The following CDKAL1 variants were observed in gnomAD, a reference collection of about 807,000 sequenced individuals.
CDKAL1 encodes threonylcarbamoyladenosine tRNA methylthiotransferase.
In CDKAL1, 32 loss-of-function variants were observed where a neutral mutation model predicts 68.2. The ratio of observed to expected loss-of-function variants is 0.47; its 90% CI spans 0.35 to 0.63. The LOEUF (loss-of-function observed/expected upper bound fraction) is 0.63, where lower values mean the gene tolerates loss of function less well. CDKAL1 is among the 30% of genes least tolerant of loss of function. CDKAL1 has a pLI of 0.00. For missense variants in CDKAL1, 606 were observed against 696.7 expected, an observed-to-expected ratio of 0.87 and a Z score of 1.47; for synonymous variants, 234 against 244.3, an observed-to-expected ratio of 0.96 and a Z score of 0.39.
chr6:20,931,154 A>G (rs186665695), intron 9 of CDKAL1, among the ~76,000 whole-genome samples: 60 of 152,348 alleles, frequency 3.9e-4, no homozygotes, highest in African/African-American at 1.1e-3. Context: ...CAGACTGACT[A>G]AAGCTTAGCC....
chr6:21,080,559 A>G (rs1772331626), intron 12 of CDKAL1, among the ~76,000 whole-genome samples: 1 of 152,196 alleles, frequency 6.6e-6, no homozygotes, highest in South Asian at 2.1e-4. Context: ...TCTCAGTCAG[A>G]ATCATCCTTT....
At chr6:20,586,988 T>TTC (rs1350061442) in intron 4 of CDKAL1, among the ~76,000 whole-genome samples, 1 of 138,652 alleles carries the variant, frequency 7.2e-6, no homozygotes, top group African/African-American at 2.7e-5. Context: ...GTTTTTTTTT[T>TTC]TTTTTTTTTT....
intron 10 of CDKAL1, among the ~76,000 whole-genome samples, chr6:20,975,374 C>CT (rs1268110057): frequency 7.9e-5 from 12 of 151,866 alleles, no homozygotes; most frequent in Non-Finnish European, 1.6e-4. Flanking sequence ...TTAGTAGTCC[C>CT]TTTTTTTTGA....
At chr6:20,971,489 C>T (rs1363957590) in intron 10 of CDKAL1, among the ~76,000 whole-genome samples, 1 of 152,144 alleles carries the variant, frequency 6.6e-6, no homozygotes, top group Non-Finnish European at 1.5e-5. Context: ...TGCAACAGAT[C>T]ACTAGAAAAA....
chr6:20,694,961 C>T (rs1038979306), intron 5 of CDKAL1, among the ~76,000 whole-genome samples: 1 of 152,164 alleles, frequency 6.6e-6, no homozygotes, highest in African/African-American at 2.4e-5. Context: ...TCCCCTTCCC[C>T]TTCCACCATG....
intron 5 of CDKAL1, among the ~76,000 whole-genome samples, chr6:20,663,009 G>C (rs771274611): frequency 5.9e-5 from 9 of 152,090 alleles, no homozygotes; most frequent in Non-Finnish European, 1.0e-4. Flanking sequence ...TTGTTTTAAA[G>C]GTCTTTCCCT....
At chr6:20,728,949 G>A (rs930403399) in intron 5 of CDKAL1, among the ~76,000 whole-genome samples, 1 of 152,040 alleles carries the variant, frequency 6.6e-6, no homozygotes, top group Non-Finnish European at 1.5e-5. Flanking sequence ...GGATGAATAG[G>A]TGAAAGGTAT....
chr6:20,619,397 CTA>C (rs896220167), intron 4 of CDKAL1, among the ~76,000 whole-genome samples: 6 of 152,224 alleles, frequency 3.9e-5, no homozygotes, highest in African/African-American at 1.2e-4. Context: ...ACAAAAATAA[CTA>C]TGTGAGGTAA....
At chr6:20,674,420 T>C (rs1366747398) in intron 5 of CDKAL1, among the ~76,000 whole-genome samples, 1 of 152,130 alleles carries the variant, frequency 6.6e-6, no homozygotes, top group Admixed American at 6.5e-5. Flanking sequence ...ATCCATACAT[T>C]TCTATTTTTT....
At chr6:21,156,288 G>C (rs1289509100) in intron 13 of CDKAL1, among the ~76,000 whole-genome samples, 1 of 151,802 alleles carries the variant, frequency 6.6e-6, no homozygotes. Context: ...GCTGGGCATG[G>C]TAGCTTGTGC....
intron 10 of CDKAL1, among the ~76,000 whole-genome samples, chr6:20,979,571 G>T (rs1056690413): frequency 1.3e-5 from 2 of 151,976 alleles, no homozygotes; most frequent in African/African-American, 2.4e-5. Flanking sequence ...TTTCCCGGGG[G>T]TTCGAGGGTG....
At chr6:20,748,857 T>C (rs1773788653) in intron 6 of CDKAL1, among the ~76,000 whole-genome samples, 1 of 152,082 alleles carries the variant, frequency 6.6e-6, no homozygotes, top group Admixed American at 6.5e-5. Flanking sequence ...TTGGTTGTGG[T>C]ATTTTTTAAT....
intron 5 of CDKAL1, among the ~76,000 whole-genome samples, chr6:20,682,951 CTTTTTT>C (rs11364854): frequency 7.9e-6 from 1 of 126,538 alleles, no homozygotes; most frequent in Non-Finnish European, 1.7e-5. Flanking sequence ...CTTTTTCTTT[CTTTTTT>C]TTTTTTTTTT....
intron 9 of CDKAL1, among the ~76,000 whole-genome samples, chr6:20,857,491 T>C (rs1461251669): frequency 6.6e-6 from 1 of 152,236 alleles, no homozygotes; most frequent in Admixed American, 6.5e-5. Context: ...CCTCCATCTT[T>C]GAGAATAACC....
chr6:21,208,822 A>T (rs1206163826), intron 15 of CDKAL1, among the ~76,000 whole-genome samples: 1 of 152,108 alleles, frequency 6.6e-6, no homozygotes, highest in Admixed American at 6.5e-5. Context: ...GCTATATTTT[A>T]TTGACCGTTG....
chr6:20,686,445 G>A (rs1313387585), intron 5 of CDKAL1, among the ~76,000 whole-genome samples: 1 of 152,154 alleles, frequency 6.6e-6, no homozygotes, highest in Admixed American at 6.5e-5. Flanking sequence ...TGCATGTGAG[G>A]TATCCAGGTT....
intron 6 of CDKAL1, among the ~76,000 whole-genome samples, chr6:20,758,116 A>G (rs2819997): frequency 0.45 from 67,879 of 151,906 alleles, 15,382 homozygotes; most frequent in South Asian, 0.5. Flanking sequence ...ACCTGAGTAC[A>G]GTACCCAGCA....
At chr6:21,143,138 T>A (rs774505117) in intron 13 of CDKAL1, among the ~76,000 whole-genome samples, 1 of 152,222 alleles carries the variant, frequency 6.6e-6, no homozygotes, top group Non-Finnish European at 1.5e-5. Context: ...AATCCTTCTC[T>A]CTGAATTTGT....
At chr6:20,824,278 C>A (rs1319527776) in intron 8 of CDKAL1, among the ~76,000 whole-genome samples, 1 of 152,056 alleles carries the variant, frequency 6.6e-6, no homozygotes, top group Admixed American at 6.6e-5. Flanking sequence ...GTCTAAAGGC[C>A]CTGAATTAGT....
Sources: allele counts gnomAD v4.1 joint callset (sites outside exome capture counted in the v4.1 genomes callset), GRCh38; gene constraint gnomAD v4.1.1; transcripts MANE v1.5; gene names NCBI Gene and HGNC (gene_info 2026-07-23, HGNC 2026-07-21).